The following STK11 variants were observed in gnomAD, a reference collection of about 807,000 sequenced individuals.
STK11 encodes the protein serine/threonine kinase 11.
A neutral mutation model predicts 47.3 loss-of-function variants in STK11; 8 were observed. The ratio of observed to expected loss-of-function variants is 0.17; its 90% CI spans 0.10 to 0.31. The LOEUF (loss-of-function observed/expected upper bound fraction) is 0.31, where lower values mean the gene tolerates loss of function less well. Among genes scored for constraint, STK11 ranks in the 10% least tolerant of loss-of-function variants. The probability of loss-of-function intolerance (pLI) is 1.00; values close to 1 mark genes in which losing one functional copy is unlikely to be tolerated. For synonymous variants in STK11, 330 were observed against 255.8 expected (o/e 1.29, Z -2.77); for missense variants, 475 against 605.0 (o/e 0.79, Z 2.25).
chr19:1,225,708 G>C (rs1225994118), intron 8 of STK11: 9 of 985,468 alleles, frequency 9.1e-6, no homozygotes, highest in Non-Finnish European at 1.1e-5. Flanking sequence ...GGGGCAGCCC[G>C]GGGCGGCCTC....
chr19:1,214,971 C>T (rs1337200320), intron 1 of STK11, among the ~76,000 whole-genome samples: 2 of 152,360 alleles, frequency 1.3e-5, no homozygotes, highest in East Asian at 1.9e-4. Context: ...CCCCGCCCCC[C>T]GGCCACCGCA....
intron 2 of STK11, 109 bp downstream of exon 2, chr19:1,218,609 C>A: frequency 3.1e-6 from 3 of 961,912 alleles, no homozygotes; most frequent in Non-Finnish European, 5.0e-6. Context: ...AGGAGACTGG[C>A]ACACGAGGGC....
chr19:1,218,570 G>C (rs528252153), intron 2 of STK11, 70 bp downstream of exon 2: 2 of 1,323,456 alleles, frequency 1.5e-6, no homozygotes, highest in African/African-American at 1.4e-5. Flanking sequence ...CGCCTGCCTC[G>C]AGGCCTGCTC....
rs930846814 is a variant in STK11, at chr19:1,226,671, G to A, written c.*16+8G>A. The A allele has an allele frequency of 1.1e-5, 16 of 1,492,044 alleles. No individual in the cohort carries two copies. Among genetic ancestry groups the A allele is most frequent in the South Asian group, 2.6e-5 (2 of 76,282 alleles). 92.4% of individuals were successfully genotyped at this position (1,492,044 alleles called of 1,614,324 possible). A position where few individuals can be genotyped will look rare whatever the true frequency, so the allele number is the denominator to read the frequency against. On this transcript the variant is annotated splice_region_variant and intron_variant, in intron 9 of 9. Coordinates refer to ENST00000326873, the MANE Select transcript of STK11 (RefSeq NM_000455.5). ...GAGGCTGGCCGCCTGCAGGTGGGGCGCGGCGGGGCCCGGGTGGGGCATGTG... is the reference window on the plus strand; with the variant it reads ...GAGGCTGGCCGCCTGCAGGTGGGGCACGGCGGGGCCCGGGTGGGGCATGTG...
Position 1,227,790 on chromosome 19 carries a change from C to G in STK11, c.*214C>G, listed in dbSNP as rs2080836830. 9.3e-7 allele frequency: 1 copy of G among 1,074,616 alleles called. No individual in the cohort carries two copies. Among genetic ancestry groups the G allele is most frequent in the Non-Finnish European group, 1.1e-6 (1 of 884,992 alleles). 66.6% of individuals were successfully genotyped at this position (1,074,616 alleles called of 1,614,324 possible). ...CCCCCCTCGGCCGCCCGGCAGTGCACGCGGCTTGTTGACTTCGCAGCCCCG... is the reference window on the plus strand; with the variant it reads ...CCCCCCTCGGCCGCCCGGCAGTGCAGGCGGCTTGTTGACTTCGCAGCCCCG... On this transcript the variant is annotated 3_prime_UTR_variant, in exon 10 of 10. Transcript: ENST00000326873.
chr19:1,220,481 A>G lies in STK11; in HGVS notation c.573A>G (p.Lys191=). The change falls in exon 4 of 10, where the codon AAA becomes AAG. Residue 191 remains lysine, a synonymous_variant. Transcript: ENST00000326873. ...NLLLTTGGTL[K]ISDLGVAEAL... is the part of the protein sequence containing the mutation. The stretch of plus-strand genomic sequence containing the variant: ...TGCTCACCACCGGTGGCACCCTCAA[A>G]ATCTCCGACCTGGGCGTGGCCGAGG... 6.2e-7 allele frequency: 1 copy of G among 1,606,506 alleles called. No individual in the cohort carries two copies.
intron 1 of STK11, among the ~76,000 whole-genome samples, chr19:1,213,411 G>A (rs899303235): frequency 5.3e-5 from 8 of 152,248 alleles, no homozygotes; most frequent in African/African-American, 1.7e-4. Flanking sequence ...AGGAAACCCC[G>A]TCTCTGTCAG....
At chr19:1,210,603 G>A (rs1466711183) in intron 1 of STK11, among the ~76,000 whole-genome samples, 1 of 152,186 alleles carries the variant, frequency 6.6e-6, no homozygotes, top group Non-Finnish European at 1.5e-5. Context: ...GGCATGTTCG[G>A]TCATGCCTGT....
chr19:1,214,308 G>A (rs977142958), intron 1 of STK11, among the ~76,000 whole-genome samples: 1 of 152,196 alleles, frequency 6.6e-6, no homozygotes, highest in Non-Finnish European at 1.5e-5. Context: ...ATCGGGGGAC[G>A]CACGTGCCTG....
chr19:1,221,157 T>C (rs1293387019), intron 5 of STK11, 56 bp from the exon 6 acceptor site: 23 of 1,602,336 alleles, frequency 1.4e-5, no homozygotes, highest in Non-Finnish European at 2.0e-5. Context: ...CTGGGGCTCC[T>C]AGGGCGTCAA....
chr19:1,219,510 A>G, intron 3 of STK11, 97 bp downstream of exon 3: 10 of 1,319,522 alleles, frequency 7.6e-6, no homozygotes, highest in Non-Finnish European at 9.3e-6. Flanking sequence ...CCTGATATTC[A>G]TTGACATGAA....
rs2080813218 is a variant in STK11, at chr19:1,225,303, T to C, written c.1109-1151T>C. ...TTTTTTTTTTTTGGAGACAGAGTCT[T>C]GCTCTGTCGCCCAGGCTGGAGTGCT... On this transcript the variant is annotated intron_variant, in intron 8 of 9. Transcript: ENST00000326873. The C allele has an allele frequency of 8.2e-6, 8 of 979,676 alleles. No individual in the cohort carries two copies. In the South Asian group the frequency reaches 2.4e-4, roughly 29 times the overall value. 60.7% of individuals were successfully genotyped at this position (979,676 alleles called of 1,614,324 possible).
At chr19:1,222,084 G>A (rs1458149517) in intron 7 of STK11, 78 bp downstream of exon 7, 1 of 1,504,442 alleles carries the variant, frequency 6.6e-7, no homozygotes, top group Non-Finnish European at 9.0e-7. Context: ...GCGGGCGCTA[G>A]AGCAGGGCGT....
intron 1 of STK11, among the ~76,000 whole-genome samples, chr19:1,215,106 G>A (rs977480626): frequency 2.3e-4 from 35 of 152,196 alleles, no homozygotes; most frequent in Admixed American, 9.8e-4. Flanking sequence ...CGGGCCTCTC[G>A]GGCCCACCCC....
At chr19:1,225,038 C>CCT (rs1309104256) in intron 8 of STK11, 1 of 985,694 alleles carries the variant, frequency 1.0e-6, no homozygotes, top group African/African-American at 1.7e-5. Flanking sequence ...CTCACGTGTC[C>CCT]CTACCCAGGA....
intron 1 of STK11, among the ~76,000 whole-genome samples, chr19:1,207,617 G>T (rs2080677014): frequency 6.6e-6 from 1 of 152,180 alleles, no homozygotes; most frequent in African/African-American, 2.4e-5. Flanking sequence ...CGTTTTCTGC[G>T]CAGTGTGTGG....
rs964226445 is a variant in STK11, at chr19:1,207,865, ACTT to A, written c.290+667_290+669del. Among the ~76,000 whole-genome samples the A allele has an allele frequency of 6.4e-4, 97 of 152,120 alleles. 1 individual carries two copies. Among genetic ancestry groups the A allele is most frequent in the African/African-American group, 2.3e-3 (96 of 41,516 alleles). ...CCGGAAGACCTTACTTTTCCAACTG[ACTT>A]CTTCAGGCACGGGGCTGCCGCTGGG... On this transcript the variant is annotated intron_variant, in intron 1 of 9. Transcript: ENST00000326873.
chr19:1,212,273 C>CA (rs2080716633), intron 1 of STK11, among the ~76,000 whole-genome samples: 6 of 89,838 alleles, frequency 6.7e-5, no homozygotes, highest in Non-Finnish European at 1.0e-4. Context: ...TTCTTAACAC[C>CA]TTTTTTTTTT....
intron 6 of STK11, chr19:1,221,686 A>T: frequency 1.7e-6 from 1 of 587,796 alleles, no homozygotes; most frequent in Non-Finnish European, 3.0e-6. Flanking sequence ...CCGTCCGTCC[A>T]TCTGCCCAGT....
Sources: allele counts gnomAD v4.1 joint callset (sites outside exome capture counted in the v4.1 genomes callset), GRCh38; gene constraint gnomAD v4.1.1; transcripts MANE v1.5; gene names NCBI Gene and HGNC (gene_info 2026-07-23, HGNC 2026-07-21).